Variants in FAH observed in about 807,000 individuals in gnomAD.
FAH encodes the protein fumarylacetoacetate hydrolase.
Under a neutral mutation model 55.8 loss-of-function variants are expected in FAH, and 47 were observed. The observed-to-expected ratio is 0.84, with a 90% CI of 0.67 to 1.07. The LOEUF is 1.07. FAH is among the 50% of genes least tolerant of loss of function. The pLI is 0.00. For synonymous variants in FAH, 199 were observed against 207.7 expected (o/e 0.96, Z 0.36); for missense variants, 495 against 545.9 (o/e 0.91, Z 0.93).
chr15:80,168,417 T>C, intron 7 of FAH, 101 bp downstream of exon 7: 1 of 1,196,182 alleles, frequency 8.4e-7, no homozygotes, highest in Non-Finnish European at 1.2e-6. Context: ...ACTCCCCTCC[T>C]CTTCAGCCAC....
chr15:80,153,414 C>T (rs971950108), intron 1 of FAH, among the ~76,000 whole-genome samples: 10 of 152,110 alleles, frequency 6.6e-5, no homozygotes, highest in African/African-American at 2.4e-4. Context: ...CCCAGACAAG[C>T]AGAGCAAGCA....
intron 3 of FAH, 96 bp from the exon 4 acceptor site, chr15:80,160,314 T>C (rs1377368427): frequency 1.6e-6 from 2 of 1,252,602 alleles, no homozygotes; most frequent in Admixed American, 1.7e-5. Flanking sequence ...CCACTGGAGA[T>C]TGTGGATAAT....
Position 80,180,226 on chromosome 15 carries a change from G to A in FAH, c.1062+1G>A, listed in dbSNP as rs750787897. The A allele has an allele frequency of 6.2e-7, 1 of 1,604,086 alleles. No individual in the cohort carries two copies. Among genetic ancestry groups the A allele is most frequent in the South Asian group, 1.1e-5 (1 of 91,058 alleles). Reference sequence around the variant, plus strand: ...GGCTTCTGGGACCATCAGCGGGCCGGTGAGTATCTGGCTGCACTGAGGGCT... The same window carrying A: ...GGCTTCTGGGACCATCAGCGGGCCGATGAGTATCTGGCTGCACTGAGGGCT... On this transcript the variant is annotated splice_donor_variant, in intron 12 of 13. Coordinates refer to ENST00000561421, the MANE Select transcript of FAH (RefSeq NM_000137.4). LOFTEE classifies it high-confidence loss of function.
intron 5 of FAH, among the ~76,000 whole-genome samples, chr15:80,167,581 G>C (rs1379406335): frequency 1.3e-5 from 2 of 148,622 alleles, no homozygotes; most frequent in African/African-American, 5.0e-5. Context: ...GCCTAGGCTG[G>C]AGTGCAGTGG....
At chr15:80,173,167 G>C in intron 9 of FAH, 23 bp downstream of exon 9, 1 of 1,614,194 alleles carries the variant, frequency 6.2e-7, no homozygotes, top group South Asian at 1.1e-5. Flanking sequence ...TCTGCAGGAA[G>C]CTCCCAAACC....
At chr15:80,160,104 G>A in intron 3 of FAH, 1 of 644,420 alleles carries the variant, frequency 1.6e-6, no homozygotes, top group South Asian at 1.9e-5. Flanking sequence ...GCCAGGCCAG[G>A]CCCATTGGCC....
chr15:80,170,855 GTC>G (rs1458274037), intron 7 of FAH, among the ~76,000 whole-genome samples: 2 of 152,156 alleles, frequency 1.3e-5, no homozygotes, highest in Non-Finnish European at 2.9e-5. Context: ...TCATGGCTGA[GTC>G]TATGTTTTTC....
At chr15:80,172,872 T>A in intron 8 of FAH, 142 bp from the exon 9 acceptor site, 1 of 1,121,408 alleles carries the variant, frequency 8.9e-7, no homozygotes, top group Non-Finnish European at 1.3e-6. Context: ...TGCCCCTTTG[T>A]CCTGGGGCAG....
chr15:80,173,535 C>G, intron 9 of FAH: 1 of 359,760 alleles, frequency 2.8e-6, no homozygotes, highest in South Asian at 2.2e-5. Flanking sequence ...TAGAATGCAG[C>G]TTGGAGCCCA....
intron 5 of FAH, chr15:80,162,543 G>T (rs2041158323): frequency 1.6e-6 from 1 of 629,684 alleles, no homozygotes. Flanking sequence ...CGAAGGGCAA[G>T]TCCCTTAAAC....
At chr15:80,173,176 C>CCCAG in intron 9 of FAH, 32 bp downstream of exon 9, 1 of 1,614,130 alleles carries the variant, frequency 6.2e-7, no homozygotes, top group Non-Finnish European at 8.5e-7. Context: ...AGCTCCCAAA[C>CCCAG]CCAGCCCTGC....
intron 1 of FAH, among the ~76,000 whole-genome samples, chr15:80,155,376 C>A (rs1425580208): frequency 1.3e-5 from 2 of 152,124 alleles, no homozygotes; most frequent in Non-Finnish European, 2.9e-5. Flanking sequence ...TAATTAAATT[C>A]TCACAATAAA....
chr15:80,163,261 C>T (rs971961660), intron 5 of FAH: 12 of 152,364 alleles, frequency 7.9e-5, no homozygotes, highest in African/African-American at 2.9e-4. Flanking sequence ...TCCAGGCTTC[C>T]ACGTGAGATG....
rs1193386255 is a variant in FAH, at chr15:80,180,088, C to T, written c.961-36C>T. 3 of 1,539,178 alleles carry T rather than the reference C, an allele frequency of 1.9e-6. 1 individual carries two copies. Among genetic ancestry groups the T allele is most frequent in the Admixed American group, 3.3e-5 (2 of 59,718 alleles). Reference sequence around the variant, plus strand: ...CCTCCGGGATGCTAGGCTAAGCCTGCCGCTGCTCATTCCACCTCGCGTCCA... The same window carrying T: ...CCTCCGGGATGCTAGGCTAAGCCTGTCGCTGCTCATTCCACCTCGCGTCCA... On this transcript the variant is annotated intron_variant, in intron 11 of 13. Coordinates refer to ENST00000561421, the MANE Select transcript of FAH (RefSeq NM_000137.4).
At chr15:80,156,134 T>C (rs12593724) in intron 1 of FAH, 168,142 of 264,596 alleles carry the variant, frequency 0.64, 54,627 homozygotes, top group East Asian at 0.79. Flanking sequence ...TGCTAAGTAA[T>C]GGGTGCCTTC....
At chr15:80,157,803 T>G in intron 1 of FAH, 1 of 534,164 alleles carries the variant, frequency 1.9e-6, no homozygotes, top group South Asian at 2.0e-5. Context: ...GGCTGACTGC[T>G]CTTCCCCCAG....
Position 80,168,018 on chromosome 15 carries a change from T to C in FAH, c.456-34T>C, listed in dbSNP as rs376471879. 274 of 1,545,808 alleles carry C rather than the reference T, an allele frequency of 1.8e-4. 1 individual carries two copies. Among genetic ancestry groups the C allele is most frequent in the Non-Finnish European group, 2.2e-4 (248 of 1,118,224 alleles). On this transcript the variant is annotated intron_variant, in intron 5 of 13. Transcript: ENST00000561421. ...GTTAATTGACAACATATAACAGCTC[T>C]GATGCCCTGCATTCTCTTGCCTTCC...
intron 7 of FAH, among the ~76,000 whole-genome samples, chr15:80,169,591 T>C (rs545618765): frequency 6.6e-6 from 1 of 151,870 alleles, no homozygotes; most frequent in African/African-American, 2.4e-5. Flanking sequence ...TGGAGTGCAG[T>C]GGCACTATCT....
Position 80,160,417 on chromosome 15 carries a change from A to G in FAH, c.322A>G (p.Ile108Val), listed in dbSNP as rs747942022. 5.7e-5 allele frequency: 92 copies of G among 1,614,078 alleles called. No homozygotes were observed. The highest frequency in any genetic ancestry group is 7.1e-5 in the Non-Finnish European group (84 of 1,180,040). Residue 108 changes from isoleucine (I) to valine (V), a missense_variant, in exon 4 of 14, where the codon ATC (isoleucine) becomes GTC (valine). Coordinates refer to ENST00000561421, the MANE Select transcript of FAH (RefSeq NM_000137.4). ...DDTELRKCAF[I>V]SQASATMHLP... ...CCTGGTTCTGTGTTTCAGTGCATTC[A>G]TCTCCCAGGCTTCTGCCACGATGCA...
Sources: gnomAD v4.1 joint callset for allele counts (sites outside exome capture counted in the v4.1 genomes callset) on GRCh38, gnomAD v4.1.1 for gene constraint, MANE v1.5 for transcripts, NCBI Gene and HGNC (gene_info 2026-07-23, HGNC 2026-07-21) for gene names.